FBXO28: variants seen among roughly 807,000 people sequenced by gnomAD.
FBXO28 encodes the protein F-box protein 28.
In FBXO28, 8 loss-of-function variants were observed where a neutral mutation model predicts 38.1. That is an observed-to-expected ratio of 0.21 (90% CI 0.12 to 0.38). The LOEUF is 0.38. FBXO28 is among the 10% of genes least tolerant of loss of function. The pLI is 1.00. For synonymous variants in FBXO28, 168 were observed against 173.8 expected, an observed-to-expected ratio of 0.97 and a Z score of 0.26; for missense variants, 345 against 460.6, an observed-to-expected ratio of 0.75 and a Z score of 2.30.
intron 3 of FBXO28, among the ~76,000 whole-genome samples, chr1:224,142,682 G>A (rs1657389122): frequency 6.6e-6 from 1 of 152,088 alleles, no homozygotes; most frequent in African/African-American, 2.4e-5. Flanking sequence ...AGGCACAGTG[G>A]CTCCCACCTG....
chr1:224,141,621 G>T (rs1289675144), intron 3 of FBXO28, among the ~76,000 whole-genome samples: 2 of 152,076 alleles, frequency 1.3e-5, no homozygotes, highest in African/African-American at 4.8e-5. Flanking sequence ...AGGCTATATG[G>T]TATAGTCTAT....
chr1:224,117,417 C>G (rs911521080), intron 1 of FBXO28, among the ~76,000 whole-genome samples: 1 of 151,618 alleles, frequency 6.6e-6, no homozygotes, highest in Non-Finnish European at 1.5e-5. Context: ...ATCCACCCAC[C>G]TAGGCCTGAA....
chr1:224,114,449 A>ATAT, intron 1 of FBXO28, 53 bp downstream of exon 1: 2 of 1,111,296 alleles, frequency 1.8e-6, no homozygotes, highest in Non-Finnish European at 2.4e-6. Context: ...GAGGTCTGGG[A>ATAT]GATGAGAAGG....
intron 3 of FBXO28, among the ~76,000 whole-genome samples, chr1:224,145,982 C>T (rs1657494225): frequency 6.6e-6 from 1 of 151,366 alleles, no homozygotes; most frequent in African/African-American, 2.4e-5. Context: ...AGGAGAACTG[C>T]TTGTATCCGG....
chr1:224,145,811 G>GT (rs1657490764), intron 3 of FBXO28, among the ~76,000 whole-genome samples: 1 of 152,118 alleles, frequency 6.6e-6, no homozygotes, highest in Admixed American at 6.6e-5. Flanking sequence ...ACTCACACCT[G>GT]TAATCCCAGC....
chr1:224,159,572 G>C lies in FBXO28; in HGVS notation c.*1826G>C, dbSNP rs1657848354. The C allele has an allele frequency of 6.6e-6, 1 of 152,522 alleles. No individual in the cohort carries two copies. The highest frequency in any genetic ancestry group is 1.5e-5 in the Non-Finnish European group (1 of 68,030). 9.4% of individuals were successfully genotyped at this position (152,522 alleles called of 1,614,324 possible). On this transcript the variant is annotated 3_prime_UTR_variant, in exon 5 of 5. Transcript: ENST00000366862. ...TTGTCAGCCAAGGTCATCCATAAAA[G>C]TCCCCGTCTGGAACTCGTTTTCTCA...
intron 3 of FBXO28, among the ~76,000 whole-genome samples, chr1:224,143,606 C>T (rs1260175976): frequency 2.0e-5 from 3 of 152,096 alleles, no homozygotes; most frequent in Non-Finnish European, 2.9e-5. Flanking sequence ...GGGCAGATCA[C>T]GAGGTCAGGT....
intron 3 of FBXO28, among the ~76,000 whole-genome samples, chr1:224,150,860 C>T (rs1195212361): frequency 6.6e-6 from 1 of 152,026 alleles, no homozygotes; most frequent in African/African-American, 2.4e-5. Flanking sequence ...AATTATTTTC[C>T]TGTTTAGCTT....
chr1:224,114,168 A>G lies in FBXO28; in HGVS notation c.39A>G (p.Gly13=). 1.3e-6 allele frequency: 2 copies of G among 1,546,682 alleles called. No individual in the cohort carries two copies. The highest frequency in any genetic ancestry group is 1.7e-6 in the Non-Finnish European group (2 of 1,145,556). Residue 13 remains glycine (G), a synonymous_variant, in exon 1 of 5, where the codon GGA becomes GGG. Transcript: ENST00000366862. ...AAAEERMAEE[G]GGGQGDGGSS... ...CGGAGGAGCGGATGGCAGAGGAAGG[A>G]GGCGGCGGCCAAGGCGACGGCGGTT...
chr1:224,134,391 T>A, intron 3 of FBXO28, 179 bp downstream of exon 3: 3 of 510,492 alleles, frequency 5.9e-6, no homozygotes, highest in Non-Finnish European at 9.9e-6. Flanking sequence ...TCTTTATATT[T>A]AAAATTCTAA....
chr1:224,139,113 C>T (rs893418145), intron 3 of FBXO28, among the ~76,000 whole-genome samples: 1 of 151,596 alleles, frequency 6.6e-6, no homozygotes, highest in Non-Finnish European at 1.5e-5. Flanking sequence ...CACTAGTAGC[C>T]CTGGTAAACC....
At chr1:224,153,049 T>C in intron 3 of FBXO28, 93 bp from the exon 4 acceptor site, 1 of 944,728 alleles carries the variant, frequency 1.1e-6, no homozygotes, top group Non-Finnish European at 1.6e-6. Context: ...TTTACTGGAA[T>C]TGCAAAACAA....
chr1:224,157,319 AG>A, intron 4 of FBXO28, 32 bp from the exon 5 acceptor site: 1 of 1,547,406 alleles, frequency 6.5e-7, no homozygotes, highest in Non-Finnish European at 8.7e-7. Flanking sequence ...AGACATTTTA[AG>A]TGACTGACCC....
rs1657902861 is a variant in FBXO28, at chr1:224,161,346, CAT to C, written c.*3604_*3605del. 3 of 152,180 alleles carry C rather than the reference CAT, an allele frequency of 2.0e-5. No individual in the cohort carries two copies. The highest frequency in any genetic ancestry group is 7.2e-5 in the African/African-American group (3 of 41,442). 9.4% of individuals were successfully genotyped at this position (152,180 alleles called of 1,614,324 possible). A position where few individuals can be genotyped will look rare whatever the true frequency, so the allele number is the denominator to read the frequency against. Reference sequence around the variant, plus strand: ...TTACACTTACCAAACTCTCTAAAAACATATACTGTGAGTAAGATTTGAAGCCA... The same window carrying C: ...TTACACTTACCAAACTCTCTAAAAACATACTGTGAGTAAGATTTGAAGCCA... On this transcript the variant is annotated 3_prime_UTR_variant, in exon 5 of 5. Coordinates refer to ENST00000366862, the MANE Select transcript of FBXO28 (RefSeq NM_015176.4).
At chr1:224,115,849 T>C (rs1656632035) in intron 1 of FBXO28, among the ~76,000 whole-genome samples, 1 of 152,208 alleles carries the variant, frequency 6.6e-6, no homozygotes, top group Admixed American at 6.5e-5. Context: ...ATATTCACAG[T>C]TCTGTTTTGT....
chr1:224,114,442 G>A, intron 1 of FBXO28, 46 bp downstream of exon 1: 2 of 1,335,286 alleles, frequency 1.5e-6, no homozygotes, highest in Non-Finnish European at 1.9e-6. Flanking sequence ...CCCGGCCGAG[G>A]TCTGGGAGAT....
intron 2 of FBXO28, among the ~76,000 whole-genome samples, chr1:224,133,412 A>T (rs181517861): frequency 6.6e-6 from 1 of 152,242 alleles, no homozygotes; most frequent in Non-Finnish European, 1.5e-5. Context: ...AAATTTTATC[A>T]TCAAAAGCAT....
At chr1:224,120,156 T>A (rs1656739255) in intron 1 of FBXO28, among the ~76,000 whole-genome samples, 1 of 152,196 alleles carries the variant, frequency 6.6e-6, no homozygotes, top group South Asian at 2.1e-4. Context: ...TAAATCCAAT[T>A]TCATAATTTT....
chr1:224,116,344 G>C (rs938421328), intron 1 of FBXO28, among the ~76,000 whole-genome samples: 1 of 152,080 alleles, frequency 6.6e-6, no homozygotes, highest in African/African-American at 2.4e-5. Flanking sequence ...ATTTAATTAT[G>C]ATCTTTTCTG....
Sources: allele counts gnomAD v4.1 joint callset (sites outside exome capture counted in the v4.1 genomes callset), GRCh38; gene constraint gnomAD v4.1.1; transcripts MANE v1.5; gene names NCBI Gene and HGNC (gene_info 2026-07-23, HGNC 2026-07-21).